STK32A: variants seen among roughly 807,000 people sequenced by gnomAD.
The protein encoded by STK32A is serine/threonine kinase 32A, also known as serine/threonine-protein kinase 32A.
Under a neutral mutation model 53.2 loss-of-function variants are expected in STK32A, and 41 were observed. That is an observed-to-expected ratio of 0.77 (90% CI 0.60 to 1.00). The LOEUF is 1.00. Ranked by LOEUF, STK32A falls within the 50% of genes least tolerant of loss-of-function variation. The probability of loss-of-function intolerance (pLI) is 0.00; values close to 1 mark genes in which losing one functional copy is unlikely to be tolerated. For missense variants in STK32A, 458 were observed against 485.8 expected (o/e 0.94, Z 0.54); for synonymous variants, 166 against 162.8 (o/e 1.02, Z -0.15).
chr5:147,307,796 G>A (rs6894154), intron 4 of STK32A, among the ~76,000 whole-genome samples: 50,815 of 151,946 alleles, frequency 0.33, 8,993 homozygotes, highest in Non-Finnish European at 0.36. Context: ...ATTTGTTGAT[G>A]AGCTTATACT....
intron 2 of STK32A, among the ~76,000 whole-genome samples, chr5:147,271,285 C>G (rs1446970248): frequency 3.9e-5 from 6 of 152,136 alleles, no homozygotes; most frequent in South Asian, 2.1e-4. Flanking sequence ...CTTATCACTT[C>G]CCCAGTCAAT....
chr5:147,328,839 C>G (rs1754724810), intron 5 of STK32A, among the ~76,000 whole-genome samples: 2 of 152,070 alleles, frequency 1.3e-5, no homozygotes, highest in South Asian at 4.1e-4. Flanking sequence ...TCTGTTTACT[C>G]CCTTGTCAGA....
chr5:147,260,949 G>C (rs6898321), intron 2 of STK32A, among the ~76,000 whole-genome samples: 45,203 of 152,118 alleles, frequency 0.3, 7,093 homozygotes, highest in African/African-American at 0.36. Context: ...TTTACCGGCT[G>C]CCGCGGCTTC....
intron 2 of STK32A, among the ~76,000 whole-genome samples, chr5:147,259,496 GAGA>G (rs1754395461): frequency 6.6e-6 from 1 of 151,702 alleles, no homozygotes; most frequent in Admixed American, 6.6e-5. Flanking sequence ...TAGGGTCACC[GAGA>G]AGACCTTCGA....
intron 4 of STK32A, among the ~76,000 whole-genome samples, chr5:147,316,497 A>G (rs541438467): frequency 6.6e-6 from 1 of 152,344 alleles, no homozygotes; most frequent in East Asian, 1.9e-4. Flanking sequence ...TACTGGCTGA[A>G]GAATGAACAT....
chr5:147,315,214 C>T lies in STK32A; in HGVS notation c.261-8684C>T, dbSNP rs569652976. Among the ~76,000 whole-genome samples, 90 of 152,206 alleles carry T rather than the reference C, an allele frequency of 5.9e-4. 1 individual carries two copies. Among genetic ancestry groups the T allele is most frequent in the African/African-American group, 1.9e-3 (80 of 41,530 alleles). Reference sequence around the variant, plus strand: ...GAGTTTCCATTTGATCCAACAATTCCGTTACTCAATATTTACTCAAAATAA... The same window carrying T: ...GAGTTTCCATTTGATCCAACAATTCTGTTACTCAATATTTACTCAAAATAA... On this transcript the variant is annotated intron_variant, in intron 4 of 12. Transcript: ENST00000397936.
chr5:147,301,406 G>C (rs944336185), intron 4 of STK32A, among the ~76,000 whole-genome samples: 1 of 152,060 alleles, frequency 6.6e-6, no homozygotes, highest in Non-Finnish European at 1.5e-5. Context: ...TGTCAAATAA[G>C]TGTATTTGGG....
chr5:147,311,487 C>G (rs983671484), intron 4 of STK32A, among the ~76,000 whole-genome samples: 1 of 152,046 alleles, frequency 6.6e-6, no homozygotes, highest in African/African-American at 2.4e-5. Context: ...AATTAGTGAG[C>G]AATTCAGGCA....
In STK32A at chr5:147,239,662, C is replaced by G; in HGVS notation, c.28C>G (p.Pro10Ala). Reference sequence around the variant, plus strand: ...GGGAGCGAACACTTCAAGAAAACCACCAGTGTTTGATGAAAATGAAGATGG... The same window carrying G: ...GGGAGCGAACACTTCAAGAAAACCAGCAGTGTTTGATGAAAATGAAGATGG... Reference protein sequence around the residue: MGANTSRKPPVFDENEDVNF... With the variant: MGANTSRKPAVFDENEDVNF... The change falls in exon 2 of 13, where the codon CCA (proline) becomes GCA (alanine). Residue 10 changes from proline to alanine, a missense_variant. Transcript: ENST00000397936. The G allele has an allele frequency of 6.2e-7, 1 of 1,608,786 alleles. No homozygotes were observed. Among genetic ancestry groups the G allele is most frequent in the South Asian group, 1.1e-5 (1 of 89,500 alleles).
intron 2 of STK32A, among the ~76,000 whole-genome samples, chr5:147,264,703 C>A (rs1754729938): frequency 6.6e-6 from 1 of 152,028 alleles, no homozygotes; most frequent in African/African-American, 2.4e-5. Context: ...CATCTACCAC[C>A]TTGAATATTC....
At chr5:147,312,615 G>T (rs373310139) in intron 4 of STK32A, among the ~76,000 whole-genome samples, 1 of 152,140 alleles carries the variant, frequency 6.6e-6, no homozygotes, top group Non-Finnish European at 1.5e-5. Flanking sequence ...CTTTGGAAAA[G>T]CTTTGTAAGG....
intron 4 of STK32A, among the ~76,000 whole-genome samples, chr5:147,291,884 A>G (rs73797607): frequency 0.33 from 50,704 of 152,078 alleles, 8,837 homozygotes; most frequent in South Asian, 0.6. Context: ...AATTATTTGC[A>G]TTAAGTGCAA....
intron 2 of STK32A, among the ~76,000 whole-genome samples, chr5:147,269,405 TC>T (rs2151950545): frequency 6.6e-6 from 1 of 152,296 alleles, no homozygotes; most frequent in South Asian, 2.1e-4. Context: ...TTGGAAAGCC[TC>T]TACTGCACCT....
intron 2 of STK32A, among the ~76,000 whole-genome samples, chr5:147,259,031 G>A (rs1406437210): frequency 6.6e-6 from 1 of 152,042 alleles, no homozygotes; most frequent in African/African-American, 2.4e-5. Context: ...GCTTCTACAA[G>A]TGTTTCCTTA....
At chr5:147,332,407 C>A (rs1273958614) in intron 5 of STK32A, among the ~76,000 whole-genome samples, 3 of 150,372 alleles carry the variant, frequency 2.0e-5, no homozygotes, top group African/African-American at 4.9e-5. Context: ...TTTTATATAT[C>A]TATTAGGAAA....
chr5:147,257,176 G>C lies in STK32A; in HGVS notation c.52+17490G>C, dbSNP rs2151944833. On this transcript the variant is annotated intron_variant, in intron 2 of 12. Transcript: ENST00000397936. ...TTTAGTAAATTACAAAAACTGGTTG[G>C]GGCAATCCCTTCTTGCTATTTAGTG... 2.6e-5 allele frequency among the ~76,000 whole-genome samples: 4 copies of C among 151,970 alleles called. 1 individual carries two copies. In the Middle Eastern group the frequency reaches 0.014, roughly 517 times the overall value.
intron 1 of STK32A, among the ~76,000 whole-genome samples, chr5:147,237,503 T>C (rs1282716311): frequency 6.6e-6 from 1 of 152,082 alleles, no homozygotes; most frequent in Non-Finnish European, 1.5e-5. Context: ...ACTTCTTAAC[T>C]CCCTTGTCTG....
chr5:147,268,634 T>TGC (rs1158120982), intron 2 of STK32A, among the ~76,000 whole-genome samples: 1 of 152,178 alleles, frequency 6.6e-6, no homozygotes, highest in Non-Finnish European at 1.5e-5. Context: ...TGATCTTTTT[T>TGC]CTCTACATTC....
chr5:147,268,551 T>C (rs1264164212), intron 2 of STK32A, among the ~76,000 whole-genome samples: 1 of 152,214 alleles, frequency 6.6e-6, no homozygotes. Flanking sequence ...GGCACATTAA[T>C]GCCATCAGCT....
Sources: gnomAD v4.1 joint callset for allele counts (sites outside exome capture counted in the v4.1 genomes callset) on GRCh38, gnomAD v4.1.1 for gene constraint, MANE v1.5 for transcripts, NCBI Gene and HGNC (gene_info 2026-07-23, HGNC 2026-07-21) for gene names.